CLDN14: variants seen among roughly 807,000 people sequenced by gnomAD.
The protein encoded by CLDN14 is claudin 14, also known as claudin-14.
A neutral mutation model predicts 2.1 loss-of-function variants in CLDN14; 2 were observed. The ratio of observed to expected loss-of-function variants is 0.96; its 90% confidence interval spans 0.39 to 3.01. CLDN14 has a LOEUF of 3.01. Among genes scored for constraint, CLDN14 ranks in the 30% most tolerant of loss-of-function variants. CLDN14 has a pLI of 0.09. For missense variants in CLDN14, 298 were observed against 328.0 expected (o/e 0.91, Z 0.71); for synonymous variants, 136 against 154.4 (o/e 0.88, Z 0.88).
At position 36,469,124 on chromosome 21, in the gene CLDN14, A is replaced by G. The variant is rs148331174; in HGVS notation, c.-81-7348T>C. On this transcript the variant is annotated intron_variant, in intron 1 of 1. Transcript: ENST00000399135. ...TCTTAATCATGTGCGAAACAAACGCATATCTTTTCAAGAAGCTTAGGGATA... is the reference window on the plus strand; with the variant it reads ...TCTTAATCATGTGCGAAACAAACGCGTATCTTTTCAAGAAGCTTAGGGATA... 5.3e-3 allele frequency among the ~76,000 whole-genome samples: 801 copies of G among 152,300 alleles called. 3 individuals are homozygous for G. Among genetic ancestry groups the G allele is most frequent in the African/African-American group, 0.014 (578 of 41,554 alleles).
chr21:36,473,917 T>C (rs981013978), intron 1 of CLDN14, among the ~76,000 whole-genome samples: 2 of 152,176 alleles, frequency 1.3e-5, no homozygotes, highest in Non-Finnish European at 2.9e-5. Flanking sequence ...AGTCAAGTAA[T>C]CTGATAAATC....
chr21:36,545,884 A>C (rs2087522951), intron 1 of CLDN14, among the ~76,000 whole-genome samples: 1 of 152,070 alleles, frequency 6.6e-6, no homozygotes, highest in African/African-American at 2.4e-5. Context: ...CCCAGGCGGG[A>C]GGAGGCAACG....
chr21:36,555,937 G>A (rs948253405), intron 1 of CLDN14, among the ~76,000 whole-genome samples: 1 of 151,882 alleles, frequency 6.6e-6, no homozygotes, highest in Non-Finnish European at 1.5e-5. Flanking sequence ...CACTTCTCTA[G>A]AATAAGGAAT....
chr21:36,562,950 A>G (rs913218074), intron 1 of CLDN14, among the ~76,000 whole-genome samples: 2 of 152,246 alleles, frequency 1.3e-5, no homozygotes, highest in Non-Finnish European at 2.9e-5. Flanking sequence ...TTTCGAAGCC[A>G]TAACAAGATG....
At chr21:36,569,735 G>T (rs1369272225) in intron 1 of CLDN14, among the ~76,000 whole-genome samples, 1 of 152,198 alleles carries the variant, frequency 6.6e-6, no homozygotes, top group East Asian at 1.9e-4. Flanking sequence ...TTGTAATAGG[G>T]AGAGAGAGCC....
intron 1 of CLDN14, among the ~76,000 whole-genome samples, chr21:36,521,543 A>G (rs1473673857): frequency 6.6e-6 from 1 of 152,194 alleles, no homozygotes; most frequent in Non-Finnish European, 1.5e-5. Flanking sequence ...TTTTCACAAC[A>G]TTCCAGGAAA....
intron 1 of CLDN14, among the ~76,000 whole-genome samples, chr21:36,547,296 C>T (rs2087532121): frequency 6.6e-6 from 1 of 152,132 alleles, no homozygotes; most frequent in Admixed American, 6.5e-5. Context: ...CTTACTTTTT[C>T]CTCTATCCCC....
intron 1 of CLDN14, among the ~76,000 whole-genome samples, chr21:36,533,897 C>T (rs1292716670): frequency 1.3e-5 from 2 of 152,146 alleles, no homozygotes; most frequent in Non-Finnish European, 2.9e-5. Context: ...GTGTACTAGG[C>T]TTAATACCTG....
intron 2 of CLDN14, among the ~76,000 whole-genome samples, chr21:36,508,649 C>G (rs1258672994): frequency 6.6e-6 from 1 of 152,202 alleles, no homozygotes; most frequent in Admixed American, 6.5e-5. Flanking sequence ...CACAGAGCCA[C>G]CCTCTACAAG....
chr21:36,491,404 G>A (rs570806195), intron 2 of CLDN14, among the ~76,000 whole-genome samples: 3 of 152,284 alleles, frequency 2.0e-5, no homozygotes, highest in South Asian at 2.1e-4. Flanking sequence ...AAAGCGAAAC[G>A]GCGAGGAATG....
chr21:36,461,462 C>G lies in CLDN14; in HGVS notation c.234G>C (p.Gln78His), dbSNP rs760039736. 6.2e-7 allele frequency: 1 copy of G among 1,613,386 alleles called. No individual in the cohort carries two copies. The highest frequency in any genetic ancestry group is 8.5e-7 in the Non-Finnish European group (1 of 1,180,006). The change falls in exon 2 of 2, where the codon CAG becomes CAC. Residue 78 changes from glutamine (Q) to histidine (H), a missense_variant. By Grantham distance (24) the Gln-to-His change is conservative (BLOSUM62 0). Transcript: ENST00000399135. ...AGATGACCATGAGGGCGCGGGCAGC[C>G]TGGAGGTCTTGGGGCAGCGCCAGCA... ...RSLLALPQDL[Q>H]AARALMVISC...
At chr21:36,486,570 TG>T in intron 2 of CLDN14, 9 of 1,556,610 alleles carry the variant, frequency 5.8e-6, no homozygotes, top group Non-Finnish European at 8.0e-6. Flanking sequence ...TCAGCCAAGC[TG>T]GGCCCAGGAG....
At chr21:36,537,412 AT>A (rs1211591599) in intron 1 of CLDN14, among the ~76,000 whole-genome samples, 3 of 152,096 alleles carry the variant, frequency 2.0e-5, no homozygotes, top group African/African-American at 4.8e-5. Context: ...TTTATTTTTT[AT>A]TTTTTTAAAA....
intron 2 of CLDN14, among the ~76,000 whole-genome samples, chr21:36,490,742 G>A (rs780951192): frequency 2.0e-4 from 31 of 151,916 alleles, no homozygotes; most frequent in East Asian, 3.9e-4. Context: ...TCTATGCTGC[G>A]GAGGCTGGTC....
chr21:36,539,730 G>A (rs996867739), intron 1 of CLDN14, among the ~76,000 whole-genome samples: 22 of 149,952 alleles, frequency 1.5e-4, no homozygotes, highest in African/African-American at 5.2e-4. Context: ...TGTGTGTGGA[G>A]TGAGTATGTG....
chr21:36,524,272 G>T (rs996376868), intron 1 of CLDN14, among the ~76,000 whole-genome samples: 2 of 152,070 alleles, frequency 1.3e-5, no homozygotes, highest in Admixed American at 1.3e-4. Context: ...CGTGTGTGCC[G>T]CCATGCCTGG....
In CLDN14 at chr21:36,530,483, C is replaced by T. The variant is rs193186026; in HGVS notation, c.-219-19983G>A. ...GCTTTTACTGAACACCTGCTATGTG[C>T]AGGGCAGACCAATAGGCATAAAGGA... On this transcript the variant is annotated intron_variant, in intron 1 of 2. Coordinates refer to the CLDN14 transcript ENST00000342108. 7.5e-4 allele frequency among the ~76,000 whole-genome samples: 114 copies of T among 152,372 alleles called. 1 individual carries two copies. Among genetic ancestry groups the T allele is most frequent in the African/African-American group, 2.6e-3 (109 of 41,592 alleles).
In CLDN14 at chr21:36,574,010, A is replaced by G. The variant is rs138887937; in HGVS notation, c.-220+2401T>C. ...CTTATTCATTGGTTCTATACAATAT[A>G]TATATAAATTACAGCAAGTTTCTTT... On this transcript the variant is annotated intron_variant, in intron 1 of 2. Transcript: ENST00000342108. Among the ~76,000 whole-genome samples, 439 of 152,296 alleles carry G rather than the reference A, an allele frequency of 2.9e-3. 4 individuals carry two copies. Among genetic ancestry groups the G allele is most frequent in the African/African-American group, 0.01 (426 of 41,574 alleles).
At chr21:36,571,843 C>A (rs574656786) in intron 1 of CLDN14, among the ~76,000 whole-genome samples, 3 of 152,102 alleles carry the variant, frequency 2.0e-5, no homozygotes, top group Non-Finnish European at 4.4e-5. Context: ...TAAAGTACTT[C>A]CCCAACCCCT....
Sources: allele counts gnomAD v4.1 joint callset (sites outside exome capture counted in the v4.1 genomes callset), GRCh38; gene constraint gnomAD v4.1.1; transcripts MANE v1.5; gene names NCBI Gene and HGNC (gene_info 2026-07-23, HGNC 2026-07-21).